Variants in PKIB observed in about 807,000 individuals in gnomAD.
The protein encoded by PKIB is PKI-beta.
In PKIB, 2 loss-of-function variants were observed where a neutral mutation model predicts 4.5. The ratio of observed to expected loss-of-function variants is 0.44; its 90% confidence interval spans 0.18 to 1.39. PKIB has a LOEUF of 1.39. PKIB is among the 40% of genes most tolerant of loss of function. The pLI is 0.27. For missense variants in PKIB, 94 were observed against 92.6 expected (o/e 1.02, Z -0.06); for synonymous variants, 38 against 36.0 (o/e 1.06, Z -0.20).
At position 122,725,114 on chromosome 6, in the gene PKIB, A is replaced by C. The variant is rs1779902739; in HGVS notation, c.170-14A>C. 32 of 1,592,816 alleles carry C rather than the reference A, an allele frequency of 2.0e-5. No individual in the cohort carries two copies. Among genetic ancestry groups the C allele is most frequent in the Non-Finnish European group, 2.7e-5 (32 of 1,166,562 alleles). ...TCAATATATTCCACATATGAATGGA[A>C]ATTTTTTTTTCAGATGCAAAAGAGA... is the stretch of plus-strand genomic sequence containing the variant. On this transcript the variant is annotated splice_polypyrimidine_tract_variant and intron_variant, in intron 4 of 4. Transcript: ENST00000368452.
rs138984956 is a variant in PKIB, at chr6:122,687,309, C to G, written c.-9+12165C>G. 1.2e-3 allele frequency among the ~76,000 whole-genome samples: 180 copies of G among 152,174 alleles called. 4 individuals are homozygous for G. The East Asian group carries it at 0.019, about 16-fold the overall frequency. On this transcript the variant is annotated intron_variant, in intron 3 of 4. Transcript: ENST00000368452. ...TAGATTTGTTTCTGGGTACTTTATT[C>G]TATTCCATTGGTCTATATGTCTGTT...
At chr6:122,584,035 A>G (rs1325457878) in intron 2 of PKIB, among the ~76,000 whole-genome samples, 1 of 152,120 alleles carries the variant, frequency 6.6e-6, no homozygotes, top group Non-Finnish European at 1.5e-5. Flanking sequence ...TTTTTCTGGT[A>G]GCTGAATTGA....
intron 2 of PKIB, among the ~76,000 whole-genome samples, chr6:122,645,718 CTG>C (rs1186769256): frequency 6.6e-6 from 1 of 152,158 alleles, no homozygotes; most frequent in African/African-American, 2.4e-5. Flanking sequence ...AGCAGAGACT[CTG>C]TTAGGTGGGG....
intron 2 of PKIB, among the ~76,000 whole-genome samples, chr6:122,559,213 GA>G (rs772392669): frequency 5.9e-5 from 9 of 151,778 alleles, no homozygotes; most frequent in African/African-American, 7.3e-5. Context: ...CTAAGGACAT[GA>G]ATAGACAATT....
intron 2 of PKIB, among the ~76,000 whole-genome samples, chr6:122,500,371 G>A (rs944922010): frequency 6.7e-5 from 10 of 148,284 alleles, no homozygotes; most frequent in Admixed American, 6.0e-4. Context: ...TAACACTGAG[G>A]AAGGGAAGAG....
chr6:122,478,552 T>G (rs1262345063), intron 2 of PKIB: 1 of 152,184 alleles, frequency 6.6e-6, no homozygotes, highest in African/African-American at 2.4e-5. Flanking sequence ...ACACTGCACA[T>G]TGTTCAGCAA....
chr6:122,595,545 GAGTA>G (rs539589990), intron 3 of PKIB, among the ~76,000 whole-genome samples: 51 of 152,318 alleles, frequency 3.3e-4, no homozygotes, highest in Admixed American at 2.9e-3. Context: ...CCCATATCCA[GAGTA>G]AGTGTCTATT....
chr6:122,506,723 G>A (rs1349351492), intron 2 of PKIB, among the ~76,000 whole-genome samples: 3 of 136,604 alleles, frequency 2.2e-5, no homozygotes, highest in East Asian at 2.2e-4. Context: ...TTTTTGAGAC[G>A]GAGTCTCGCT....
intron 2 of PKIB, chr6:122,479,002 G>T (rs1307296934): frequency 1.3e-5 from 2 of 152,196 alleles, no homozygotes; most frequent in Non-Finnish European, 2.9e-5. Flanking sequence ...GCTACCAGAG[G>T]GAGTTCCTCG....
intron 2 of PKIB, among the ~76,000 whole-genome samples, chr6:122,557,812 A>T (rs1037500855): frequency 6.6e-6 from 1 of 152,014 alleles, no homozygotes; most frequent in East Asian, 1.9e-4. Context: ...CTTAGGGAGG[A>T]TCCTACTCCT....
intron 3 of PKIB, among the ~76,000 whole-genome samples, chr6:122,679,257 G>T (rs1262269463): frequency 6.6e-6 from 1 of 152,208 alleles, no homozygotes; most frequent in Admixed American, 6.5e-5. Flanking sequence ...AGAGTTATAA[G>T]TCCTGAATGG....
intron 2 of PKIB, among the ~76,000 whole-genome samples, chr6:122,673,556 G>A (rs913180136): frequency 6.6e-6 from 1 of 152,202 alleles, no homozygotes; most frequent in African/African-American, 2.4e-5. Context: ...CAAAGAGTGA[G>A]AGGAAGAGCA....
chr6:122,545,724 C>G (rs1230922770), intron 2 of PKIB, among the ~76,000 whole-genome samples: 1 of 150,652 alleles, frequency 6.6e-6, no homozygotes, highest in Non-Finnish European at 1.5e-5. Flanking sequence ...AATCTGTACA[C>G]CAAACCCCTG....
At chr6:122,688,925 C>A (rs998977279) in intron 3 of PKIB, among the ~76,000 whole-genome samples, 2 of 151,890 alleles carry the variant, frequency 1.3e-5, no homozygotes, top group African/African-American at 4.8e-5. Context: ...GGACTACAGA[C>A]GCCCGCCACC....
At chr6:122,616,498 G>C (rs1774995958) in intron 1 of PKIB, among the ~76,000 whole-genome samples, 2 of 152,142 alleles carry the variant, frequency 1.3e-5, no homozygotes, top group Admixed American at 6.6e-5. Context: ...ACGCGACACA[G>C]TGTCCAATTA....
At chr6:122,563,667 C>T (rs1773098252) in intron 2 of PKIB, among the ~76,000 whole-genome samples, 1 of 152,040 alleles carries the variant, frequency 6.6e-6, no homozygotes, top group African/African-American at 2.4e-5. Flanking sequence ...AGTGAGATTC[C>T]CAGGTCACTG....
chr6:122,575,227 G>A (rs1349930158), intron 2 of PKIB, among the ~76,000 whole-genome samples: 4 of 152,044 alleles, frequency 2.6e-5, no homozygotes, highest in Non-Finnish European at 5.9e-5. Context: ...AAGAATGGCC[G>A]TTTAAGTAAA....
intron 2 of PKIB, chr6:122,482,069 T>G (rs1028562018): frequency 1.3e-5 from 2 of 151,720 alleles, no homozygotes; most frequent in Non-Finnish European, 2.9e-5. Flanking sequence ...CACGCCATTC[T>G]CCTGCCTCAG....
At chr6:122,553,877 C>A (rs962663283) in intron 2 of PKIB, among the ~76,000 whole-genome samples, 3 of 152,208 alleles carry the variant, frequency 2.0e-5, no homozygotes, top group Non-Finnish European at 4.4e-5. Flanking sequence ...ACTGCACCAC[C>A]CTGCTATTTC....
Sources: allele counts gnomAD v4.1 joint callset (sites outside exome capture counted in the v4.1 genomes callset), GRCh38; gene constraint gnomAD v4.1.1; transcripts MANE v1.5; gene names NCBI Gene and HGNC (gene_info 2026-07-23, HGNC 2026-07-21).